CREBBP: variants seen among roughly 807,000 people sequenced by gnomAD.
CREBBP encodes the protein CREB-binding protein.
CREBBP carries 19 observed loss-of-function variants against 265.0 expected under a neutral mutation model. The observed-to-expected ratio is 0.07, with a 90% confidence interval of 0.05 to 0.11. CREBBP has a LOEUF of 0.11. Among genes scored for constraint, CREBBP ranks in the 10% least tolerant of loss-of-function variants. CREBBP has a pLI of 1.00. For missense variants in CREBBP, 2,525 were observed against 3,219.0 expected (o/e 0.78, Z 5.22); for synonymous variants, 1,457 against 1,223.7 (o/e 1.19, Z -3.98).
intron 23 of CREBBP, chr16:3,741,725 A>T (rs1207539913): frequency 1.3e-5 from 2 of 152,138 alleles, no homozygotes; most frequent in Admixed American, 6.6e-5. Flanking sequence ...GGATCACCTG[A>T]GGTCAGGAGT....
At chr16:3,871,459 A>T (rs1451644277) in intron 1 of CREBBP, among the ~76,000 whole-genome samples, 1 of 152,234 alleles carries the variant, frequency 6.6e-6, no homozygotes, top group African/African-American at 2.4e-5. Flanking sequence ...TTTTAATCCA[A>T]AGCAACTGGG....
At chr16:3,791,837 T>TGTAC in intron 5 of CREBBP, 144 bp downstream of exon 5, 1 of 751,486 alleles carries the variant, frequency 1.3e-6, no homozygotes, top group Non-Finnish European at 2.4e-6. Flanking sequence ...TGAGCTTGGC[T>TGTAC]GTACCTTGGG....
At chr16:3,847,927 G>T (rs548099621) in intron 2 of CREBBP, among the ~76,000 whole-genome samples, 4 of 152,220 alleles carry the variant, frequency 2.6e-5, no homozygotes, top group African/African-American at 9.6e-5. Flanking sequence ...CCAGCATTTT[G>T]GGAGGCAGAG....
intron 3 of CREBBP, among the ~76,000 whole-genome samples, chr16:3,804,499 A>G (rs2053789806): frequency 6.6e-6 from 1 of 152,232 alleles, no homozygotes; most frequent in Non-Finnish European, 1.5e-5. Context: ...TGGGCTGTGC[A>G]GAGACTGATG....
chr16:3,822,161 C>T (rs1460051577), intron 2 of CREBBP, among the ~76,000 whole-genome samples: 1 of 152,114 alleles, frequency 6.6e-6, no homozygotes, highest in Non-Finnish European at 1.5e-5. Context: ...CTGACAAAGC[C>T]ACCCGATGTT....
At position 3,728,810 on chromosome 16, in the gene CREBBP, G is replaced by T. The variant is rs773793031; in HGVS notation, c.6237C>A (p.Ser2079=). 4.3e-5 allele frequency: 70 copies of T among 1,613,674 alleles called. No homozygotes were observed. In the Middle Eastern group the frequency reaches 6.6e-4, roughly 15 times the overall value. Residue 2079 remains serine (S), a synonymous_variant, in exon 31 of 31, where the codon TCC becomes TCA. Coordinates refer to ENST00000262367, the MANE Select transcript of CREBBP (RefSeq NM_004380.3). This position sits in a 1 kb window ranked among gnomAD's most constrained non-coding sequence, Gnocchi z 8.7. ...DLLRTLKSPS[S]PQQQQQVLNI... Reference sequence around the variant, plus strand: ...TCAGCACCTGCTGTTGCTGCTGAGGGGAGCTGGGCGACTTCAGGGTCCGCA... The same window carrying T: ...TCAGCACCTGCTGTTGCTGCTGAGGTGAGCTGGGCGACTTCAGGGTCCGCA...
intron 20 of CREBBP, 29 bp from the exon 21 acceptor site, chr16:3,749,712 A>C: frequency 7.0e-7 from 1 of 1,430,244 alleles, no homozygotes; most frequent in Non-Finnish European, 9.8e-7. Context: ...AACATGTTTT[A>C]TTAACTAAAA....
chr16:3,737,377 G>GACA (rs1370513353), intron 26 of CREBBP, among the ~76,000 whole-genome samples: 10 of 152,122 alleles, frequency 6.6e-5, no homozygotes, highest in Non-Finnish European at 1.5e-4. Flanking sequence ...AATTCAGAGA[G>GACA]ACAAAGTAGA....
intron 3 of CREBBP, among the ~76,000 whole-genome samples, chr16:3,799,976 C>G (rs906847171): frequency 4.6e-5 from 7 of 151,986 alleles, no homozygotes; most frequent in African/African-American, 7.3e-5. Context: ...TCAGACGAAT[C>G]AGTAAGAAAA....
intron 10 of CREBBP, 127 bp downstream of exon 10, chr16:3,777,884 C>G (rs2053182291): frequency 3.2e-6 from 4 of 1,243,686 alleles, no homozygotes; most frequent in Non-Finnish European, 4.7e-6. Context: ...GGGCCACTGC[C>G]ACATCAACAG....
In CREBBP at chr16:3,729,187, C is replaced by A. The variant is rs1170288988; in HGVS notation, c.5860G>T (p.Ala1954Ser). The change falls in exon 31 of 31, where the codon GCA becomes TCA. Residue 1954 changes from alanine to serine, a missense_variant. Physicochemically the swap from Ala to Ser is moderately conservative, Grantham distance 99. Around this residue, in one of 19 missense-constraint regions of CREBBP, gnomAD observed 275 missense variants for 276.5 expected, o/e 0.99. Coordinates refer to ENST00000262367, the MANE Select transcript of CREBBP (RefSeq NM_004380.3). ...APPPPAQPPP[A>S]AVEAARQIER... is the part of the protein sequence containing the mutation. ...ATCTGCCGAGCCGCTTCCACCGCTGCAGGAGGGGGCTGGGCCGGGGGTGGG... is the reference window on the plus strand; with the variant it reads ...ATCTGCCGAGCCGCTTCCACCGCTGAAGGAGGGGGCTGGGCCGGGGGTGGG... The A allele has an allele frequency of 1.3e-6, 2 of 1,523,938 alleles. No individual in the cohort carries two copies. The highest frequency in any genetic ancestry group is 1.8e-6 in the Non-Finnish European group (2 of 1,141,122). 94.4% of individuals were successfully genotyped at this position (1,523,938 alleles called of 1,614,324 possible).
At chr16:3,772,653 T>C (rs1047210708) in intron 13 of CREBBP, among the ~76,000 whole-genome samples, 1 of 152,130 alleles carries the variant, frequency 6.6e-6, no homozygotes, top group African/African-American at 2.4e-5. Context: ...TATCTGGCCC[T>C]TTACACGAAG....
intron 2 of CREBBP, among the ~76,000 whole-genome samples, chr16:3,842,719 C>T (rs1388828101): frequency 3.9e-5 from 6 of 152,036 alleles, no homozygotes; most frequent in Non-Finnish European, 8.8e-5. Context: ...AACCTCAGCA[C>T]TTTGGGAGGC....
At chr16:3,745,036 G>T in intron 22 of CREBBP, 75 bp from the exon 23 acceptor site, 1 of 1,151,292 alleles carries the variant, frequency 8.7e-7, no homozygotes, top group Non-Finnish European at 1.3e-6. Context: ...GCAGCATTCA[G>T]ATAGTTTGTT....
intron 8 of CREBBP, among the ~76,000 whole-genome samples, chr16:3,779,120 T>C (rs751871202): frequency 6.7e-6 from 1 of 150,238 alleles, no homozygotes; most frequent in African/African-American, 2.5e-5. Context: ...TGAGCTGAGA[T>C]CGTGCCATTG....
At chr16:3,732,635 C>T (rs1306004641) in intron 28 of CREBBP, among the ~76,000 whole-genome samples, 1 of 152,092 alleles carries the variant, frequency 6.6e-6, no homozygotes, top group Non-Finnish European at 1.5e-5. Context: ...ATCTTGGGTT[C>T]AAGTGATTCT....
chr16:3,800,711 C>T (rs2053695581), intron 3 of CREBBP, among the ~76,000 whole-genome samples: 1 of 151,912 alleles, frequency 6.6e-6, no homozygotes, highest in South Asian at 2.1e-4. Flanking sequence ...ATAGCAAGAC[C>T]CTGTTGCTAA....
intron 21 of CREBBP, 49 bp from the exon 22 acceptor site, chr16:3,745,403 C>A (rs1430921898): frequency 1.3e-6 from 2 of 1,560,414 alleles, no homozygotes; most frequent in African/African-American, 1.4e-5. Flanking sequence ...ACCACAAGAC[C>A]AGAGTCACTT....
chr16:3,736,475 G>T, intron 27 of CREBBP, 175 bp downstream of exon 27: 1 of 970,238 alleles, frequency 1.0e-6, no homozygotes, highest in Non-Finnish European at 1.6e-6. Context: ...CCAGGGGAAA[G>T]CCTCAATCAG....
Sources: allele counts gnomAD v4.1 joint callset (sites outside exome capture counted in the v4.1 genomes callset), GRCh38; gene constraint gnomAD v4.1.1; regional missense constraint gnomAD v4.1.1; non-coding constraint Gnocchi (gnomAD v3.1); transcripts MANE v1.5; gene names NCBI Gene and HGNC (gene_info 2026-07-23, HGNC 2026-07-21).